SLC25A25: variants seen among roughly 807,000 people sequenced by gnomAD.
SLC25A25 encodes solute carrier family 25 member 25.
A neutral mutation model predicts 57.7 loss-of-function variants in SLC25A25; 32 were observed. The ratio of observed to expected loss-of-function variants is 0.55; its 90% CI spans 0.42 to 0.74. SLC25A25 has a LOEUF of 0.74. Among genes scored for constraint, SLC25A25 ranks in the 30% least tolerant of loss-of-function variants. SLC25A25 has a pLI of 0.00. For missense variants in SLC25A25, 556 were observed against 701.3 expected (o/e 0.79, Z 2.34); for synonymous variants, 306 against 291.2 (o/e 1.05, Z -0.52).
At chr9:128,077,881 C>T (rs997580143) in intron 1 of SLC25A25, among the ~76,000 whole-genome samples, 1 of 151,848 alleles carries the variant, frequency 6.6e-6, no homozygotes, top group African/African-American at 2.4e-5. Flanking sequence ...CAAAAATTAG[C>T]CGAGCATGGT....
intron 1 of SLC25A25, among the ~76,000 whole-genome samples, chr9:128,092,344 G>A (rs1209899848): frequency 6.6e-6 from 1 of 152,240 alleles, no homozygotes; most frequent in East Asian, 1.9e-4. Flanking sequence ...CTTGCCTTAG[G>A]ATTTGTTAGT....
Sources: gnomAD v4.1 joint callset for allele counts (sites outside exome capture counted in the v4.1 genomes callset) on GRCh38, gnomAD v4.1.1 for gene constraint, MANE v1.5 for transcripts, NCBI Gene and HGNC (gene_info 2026-07-23, HGNC 2026-07-21) for gene names.